Variants in STAB2 observed in about 807,000 individuals in gnomAD.
STAB2 encodes the protein stabilin 2.
In STAB2, 288 loss-of-function variants were observed where a neutral mutation model predicts 338.1. The observed-to-expected ratio is 0.85, with a 90% CI of 0.77 to 0.94. STAB2 has a LOEUF of 0.94. Among genes scored for constraint, STAB2 ranks in the 40% least tolerant of loss-of-function variants. STAB2 has a pLI of 0.00. For synonymous variants in STAB2, 1,202 were observed against 1,193.3 expected (o/e 1.01, Z -0.15); for missense variants, 3,141 against 3,210.1 (o/e 0.98, Z 0.52).
intron 46 of STAB2, among the ~76,000 whole-genome samples, chr12:103,726,949 A>G (rs887471475): frequency 3.9e-5 from 6 of 152,164 alleles, no homozygotes; most frequent in African/African-American, 1.4e-4. Context: ...TGTGCAAGAG[A>G]CATTGGAAAA....
chr12:103,599,564 C>A (rs1025228368), intron 3 of STAB2, among the ~76,000 whole-genome samples: 14 of 152,234 alleles, frequency 9.2e-5, no homozygotes, highest in Admixed American at 9.2e-4. Flanking sequence ...TAATACAGGG[C>A]ACCCAGTTCT....
Position 103,746,642 on chromosome 12 carries a change from G to A in STAB2, c.6182G>A (p.Cys2061Tyr). The A allele has an allele frequency of 6.2e-7, 1 of 1,614,138 alleles. No homozygotes were observed. The highest frequency in any genetic ancestry group is 8.5e-7 in the Non-Finnish European group (1 of 1,179,976). ...CCTCCTTGTTCTGCTCATGCCACCT[G>A]TAAGGAGAACAACACGTGTGAGTGT... ...CTPPCSAHATCKENNTCECNL... is the reference protein window; with the variant it reads ...CTPPCSAHATYKENNTCECNL... Residue 2061 changes from cysteine to tyrosine, a missense_variant, in exon 58 of 69, where the codon TGT becomes TAT. Physicochemically the swap from Cys to Tyr is radical, Grantham distance 194. Coordinates refer to ENST00000388887, the MANE Select transcript of STAB2 (RefSeq NM_017564.10).
intron 39 of STAB2, among the ~76,000 whole-genome samples, chr12:103,710,233 G>T (rs1272534347): frequency 2.6e-5 from 4 of 152,162 alleles, no homozygotes; most frequent in Non-Finnish European, 5.9e-5. Context: ...CCTTAGCAGG[G>T]TGGAGCACAA....
chr12:103,745,409 A>G, intron 57 of STAB2, 132 bp downstream of exon 57: 1 of 765,944 alleles, frequency 1.3e-6, no homozygotes, highest in Non-Finnish European at 2.0e-6. Context: ...GGTAAAAGAT[A>G]ATTCAGATCT....
At chr12:103,713,845 C>T (rs1880083619) in intron 42 of STAB2, 77 bp downstream of exon 42, 1 of 1,575,876 alleles carries the variant, frequency 6.3e-7, no homozygotes, top group South Asian at 1.1e-5. Context: ...ACGTGTGTGC[C>T]CTGATTATCA....
intron 3 of STAB2, among the ~76,000 whole-genome samples, chr12:103,597,192 T>C (rs2138549116): frequency 6.6e-6 from 1 of 152,218 alleles, no homozygotes; most frequent in East Asian, 1.9e-4. Context: ...AACCTCTACT[T>C]GGCAGTATAT....
intron 44 of STAB2, among the ~76,000 whole-genome samples, chr12:103,723,068 G>C (rs1156759311): frequency 1.3e-5 from 2 of 152,208 alleles, no homozygotes; most frequent in African/African-American, 4.8e-5. Context: ...AGGATGGGGA[G>C]ATGAGGTGGT....
intron 57 of STAB2, 131 bp downstream of exon 57, chr12:103,745,408 T>G (rs1170888725): frequency 2.6e-6 from 2 of 780,354 alleles, no homozygotes; most frequent in Non-Finnish European, 3.9e-6. Flanking sequence ...TGGTAAAAGA[T>G]AATTCAGATC....
chr12:103,737,890 A>T, intron 53 of STAB2, 110 bp downstream of exon 53: 1 of 1,414,106 alleles, frequency 7.1e-7, no homozygotes, highest in African/African-American at 1.4e-5. Context: ...CCTCAGCAAG[A>T]CTAGGACCCA....
intron 49 of STAB2, 31 bp downstream of exon 49, chr12:103,730,287 T>C: frequency 6.2e-7 from 1 of 1,609,962 alleles, no homozygotes; most frequent in Non-Finnish European, 8.5e-7. Context: ...GTTTTCAGCC[T>C]GGAGTGACTC....
Position 103,708,549 on chromosome 12 carries a change from C to A in STAB2, c.4288+13C>A, listed in dbSNP as rs376654331. 6.2e-7 allele frequency: 1 copy of A among 1,612,362 alleles called. No homozygotes were observed. ...CATTGTGACAATGGTAAGAGTGAGG[C>A]CTCCAGTATTTATAATCTGCTCTAA... On this transcript the variant is annotated intron_variant, in intron 39 of 68. Transcript: ENST00000388887.
intron 3 of STAB2, among the ~76,000 whole-genome samples, chr12:103,596,636 T>A (rs574579517): frequency 6.6e-6 from 1 of 152,258 alleles, no homozygotes; most frequent in East Asian, 1.9e-4. Flanking sequence ...CCTCTGATAA[T>A]GAAAGATGAA....
At chr12:103,631,450 A>AAC in intron 5 of STAB2, 148 bp from the exon 6 acceptor site, 2 of 678,304 alleles carry the variant, frequency 2.9e-6, no homozygotes, top group Non-Finnish European at 5.0e-6. Flanking sequence ...TTAAAAAAAA[A>AAC]AAAACCTGGT....
chr12:103,739,901 C>A (rs1167636970), intron 54 of STAB2, among the ~76,000 whole-genome samples: 1 of 152,074 alleles, frequency 6.6e-6, no homozygotes, highest in Non-Finnish European at 1.5e-5. Flanking sequence ...AGAGGGTAAG[C>A]AATCAGCCCA....
chr12:103,680,121 AG>A (rs1335504064), intron 25 of STAB2, among the ~76,000 whole-genome samples: 5 of 152,190 alleles, frequency 3.3e-5, no homozygotes, highest in African/African-American at 1.2e-4. Flanking sequence ...GCCGGGAGCT[AG>A]AGTAGGGAGA....
At chr12:103,762,441 T>C (rs779894151) in intron 67 of STAB2, 39 bp downstream of exon 67, 1 of 1,613,770 alleles carries the variant, frequency 6.2e-7, no homozygotes, top group Non-Finnish European at 8.5e-7. Flanking sequence ...TGGGGTCCTC[T>C]CCAAAAACCC....
chr12:103,688,127 T>C, intron 27 of STAB2, 41 bp from the exon 28 acceptor site: 1 of 1,581,756 alleles, frequency 6.3e-7, no homozygotes, highest in African/African-American at 1.3e-5. Context: ...CTCTGTGTTC[T>C]CTCCCATCTC....
At chr12:103,629,874 C>A (rs1957433899) in intron 5 of STAB2, among the ~76,000 whole-genome samples, 1 of 152,146 alleles carries the variant, frequency 6.6e-6, no homozygotes, top group Admixed American at 6.5e-5. Flanking sequence ...GTGCAGTACT[C>A]TGAACATAAT....
At position 103,728,926 on chromosome 12, in the gene STAB2, G is replaced by A; in HGVS notation, c.5013G>A (p.Leu1671=). 1 of 1,613,948 alleles carries A rather than the reference G, an allele frequency of 6.2e-7. No individual in the cohort carries two copies. Among genetic ancestry groups the A allele is most frequent in the Non-Finnish European group, 8.5e-7 (1 of 1,179,870 alleles). The part of the protein sequence containing the change: ...YHVVACHQLL[L]ENLKLISNAT... ...TGGTCGCCTGCCACCAGCTGCTTCT[G>A]GAAAACCTGAAATTGATCTCAAATG... is the stretch of plus-strand genomic sequence containing the variant. Residue 1671 remains leucine (L), a synonymous_variant, in exon 48 of 69, where the codon CTG becomes CTA. Coordinates refer to ENST00000388887, the MANE Select transcript of STAB2 (RefSeq NM_017564.10).
Sources: gnomAD v4.1 joint callset for allele counts (sites outside exome capture counted in the v4.1 genomes callset) on GRCh38, gnomAD v4.1.1 for gene constraint, MANE v1.5 for transcripts, NCBI Gene and HGNC (gene_info 2026-07-23, HGNC 2026-07-21) for gene names.